The following CCDC192 variants were observed in gnomAD, a reference collection of about 807,000 sequenced individuals.
The protein encoded by CCDC192 is coiled-coil domain containing 192, also known as coiled-coil domain-containing protein 192.
chr5:127,885,550 C>T (rs1483276730), intron 6 of CCDC192, among the ~76,000 whole-genome samples: 1 of 152,104 alleles, frequency 6.6e-6, no homozygotes, highest in Non-Finnish European at 1.5e-5. Flanking sequence ...AGAAACCTCA[C>T]TATTATTTTA....
chr5:127,864,670 T>C (rs935683816), intron 5 of CCDC192, among the ~76,000 whole-genome samples: 1 of 152,212 alleles, frequency 6.6e-6, no homozygotes, highest in African/African-American at 2.4e-5. Flanking sequence ...AATATCTCCA[T>C]AGTAAAAGTT....
intron 3 of CCDC192, among the ~76,000 whole-genome samples, chr5:127,766,167 G>A (rs1044538151): frequency 1.3e-5 from 2 of 152,152 alleles, no homozygotes; most frequent in Admixed American, 6.5e-5. Flanking sequence ...AAAGGGTAAA[G>A]GCTTCTCTCT....
At chr5:127,786,681 C>T in intron 3 of CCDC192, 2 of 759,624 alleles carry the variant, frequency 2.6e-6, no homozygotes, top group South Asian at 2.7e-5. Context: ...GTAATCTTCC[C>T]ATTGTTGAGT....
intron 6 of CCDC192, among the ~76,000 whole-genome samples, chr5:127,877,406 T>C (rs531510500): frequency 6.6e-6 from 1 of 152,126 alleles, no homozygotes. Flanking sequence ...TATGAACAGA[T>C]GCAAATTTAA....
At chr5:127,754,834 C>T (rs1754484639) in intron 3 of CCDC192, among the ~76,000 whole-genome samples, 2 of 152,058 alleles carry the variant, frequency 1.3e-5, no homozygotes, top group Non-Finnish European at 2.9e-5. Flanking sequence ...ATATTGACAT[C>T]CCTCTTGGGT....
chr5:127,813,708 G>A (rs1176851997), intron 5 of CCDC192, among the ~76,000 whole-genome samples: 1 of 152,160 alleles, frequency 6.6e-6, no homozygotes, highest in Non-Finnish European at 1.5e-5. Flanking sequence ...AGACAGACTT[G>A]TTCAAGCAGA....
At chr5:127,844,159 T>TA (rs1360989359) in intron 5 of CCDC192, among the ~76,000 whole-genome samples, 1 of 152,216 alleles carries the variant, frequency 6.6e-6, no homozygotes, top group African/African-American at 2.4e-5. Context: ...TGGCATCTCA[T>TA]AAGACAGGAA....
At chr5:127,905,896 G>A (rs1431877983) in intron 6 of CCDC192, among the ~76,000 whole-genome samples, 1 of 152,178 alleles carries the variant, frequency 6.6e-6, no homozygotes, top group Non-Finnish European at 1.5e-5. Flanking sequence ...TAGCCAATAG[G>A]GAGAGAGATA....
In CCDC192 at chr5:127,836,948, T is replaced by C. The variant is rs1448079491; in HGVS notation, c.412-38590T>C. Among the ~76,000 whole-genome samples, 3 of 81,958 alleles carry C rather than the reference T, an allele frequency of 3.7e-5. 1 individual carries two copies. In the East Asian group the frequency reaches 9.3e-4, roughly 26 times the overall value. 53.8% of individuals were successfully genotyped at this position (81,958 alleles called of 152,430 possible). A position where few individuals can be genotyped will look rare whatever the true frequency, so the allele number is the denominator to read the frequency against. ...TGCAACTTTCTGCAACTTATTAAATTCCTCCTCAGAAAGTGGGCTTTTCTT... is the reference window on the plus strand; with the variant it reads ...TGCAACTTTCTGCAACTTATTAAATCCCTCCTCAGAAAGTGGGCTTTTCTT... On this transcript the variant is annotated intron_variant, in intron 5 of 6. Transcript: ENST00000514853.
intron 6 of CCDC192, among the ~76,000 whole-genome samples, chr5:127,884,342 C>CAAAA (rs778430655): frequency 2.2e-3 from 26 of 11,848 alleles, no homozygotes; most frequent in Non-Finnish European, 3.7e-3. Flanking sequence ...GACTCCGTCT[C>CAAAA]AAAAAAAAAA....
intron 3 of CCDC192, among the ~76,000 whole-genome samples, chr5:127,788,899 A>T (rs1756713775): frequency 6.6e-6 from 1 of 152,190 alleles, no homozygotes; most frequent in African/African-American, 2.4e-5. Context: ...GAAATAATTA[A>T]GGTCGTGAGG....
At chr5:127,883,104 T>C (rs995806239) in intron 6 of CCDC192, among the ~76,000 whole-genome samples, 18 of 152,242 alleles carry the variant, frequency 1.2e-4, no homozygotes, top group African/African-American at 3.9e-4. Flanking sequence ...GGTTGATATG[T>C]AGTCAAAAGC....
At chr5:127,744,138 G>A (rs1223385724) in intron 2 of CCDC192, among the ~76,000 whole-genome samples, 1 of 147,062 alleles carries the variant, frequency 6.8e-6, no homozygotes, top group Non-Finnish European at 1.5e-5. Context: ...TATTGAAAAC[G>A]CTAAACACAA....
At chr5:127,888,021 AG>A (rs1752620453) in intron 6 of CCDC192, among the ~76,000 whole-genome samples, 1 of 152,102 alleles carries the variant, frequency 6.6e-6, no homozygotes, top group Admixed American at 6.5e-5. Context: ...TATTTTTTAA[AG>A]ATTAACAAGC....
intron 6 of CCDC192, among the ~76,000 whole-genome samples, chr5:127,901,230 T>C (rs1753029763): frequency 6.6e-6 from 1 of 152,204 alleles, no homozygotes; most frequent in Admixed American, 6.5e-5. Flanking sequence ...GAAATATTCT[T>C]AAGAAATTAA....
intron 3 of CCDC192, among the ~76,000 whole-genome samples, chr5:127,780,643 G>A (rs967797709): frequency 3.9e-5 from 6 of 152,124 alleles, no homozygotes; most frequent in African/African-American, 1.4e-4. Flanking sequence ...GTCTATTCAT[G>A]TCTGTAGCCC....
chr5:127,792,805 G>A (rs1450487392), intron 3 of CCDC192, among the ~76,000 whole-genome samples: 1 of 130,822 alleles, frequency 7.6e-6, no homozygotes. Context: ...GAAGGAGGAG[G>A]AGAAGAGGAA....
At chr5:127,823,845 C>T (rs1386341075) in intron 5 of CCDC192, among the ~76,000 whole-genome samples, 1 of 152,158 alleles carries the variant, frequency 6.6e-6, no homozygotes, top group Non-Finnish European at 1.5e-5. Flanking sequence ...CCAACTGTGC[C>T]TACACAAAAG....
intron 2 of CCDC192, among the ~76,000 whole-genome samples, chr5:127,722,527 A>G (rs1163030402): frequency 6.6e-6 from 1 of 152,082 alleles, no homozygotes; most frequent in Non-Finnish European, 1.5e-5. Flanking sequence ...CTCAAGAAAT[A>G]TTTGCCCAGA....
Sources: allele counts gnomAD v4.1 joint callset (sites outside exome capture counted in the v4.1 genomes callset), GRCh38; gene constraint gnomAD v4.1.1; transcripts MANE v1.5; gene names NCBI Gene and HGNC (gene_info 2026-07-23, HGNC 2026-07-21).